Variants in GLDC observed in about 807,000 individuals in gnomAD.
GLDC encodes glycine dehydrogenase (decarboxylating), mitochondrial.
In GLDC, 104 loss-of-function variants were observed where a neutral mutation model predicts 121.3. That is an observed-to-expected ratio of 0.86 (90% CI 0.73 to 1.01). GLDC has a LOEUF of 1.01. Ranked by LOEUF, GLDC falls within the 50% of genes least tolerant of loss-of-function variation. The pLI, the probability that GLDC is intolerant of heterozygous loss-of-function variation, is 0.00. For missense variants in GLDC, 1,429 were observed against 1,306.6 expected (o/e 1.09, Z -1.44); for synonymous variants, 546 against 480.6 (o/e 1.14, Z -1.78).
At chr9:6,628,444 G>T (rs991675103) in intron 2 of GLDC, among the ~76,000 whole-genome samples, 4 of 152,180 alleles carry the variant, frequency 2.6e-5, no homozygotes, top group Non-Finnish European at 5.9e-5. Context: ...GAACTACAAT[G>T]AAACTAACCA....
At chr9:6,535,711 A>G (rs371341159) in intron 23 of GLDC, among the ~76,000 whole-genome samples, 167 of 152,350 alleles carry the variant, frequency 1.1e-3, no homozygotes, top group African/African-American at 4.0e-3. Flanking sequence ...TTTCTCAGAG[A>G]TAACTGCTCT....
At position 6,604,761 on chromosome 9, in the gene GLDC, G is replaced by C. The variant is rs1424489267; in HGVS notation, c.885C>G (p.Asp295Glu). 4.3e-6 allele frequency: 7 copies of C among 1,613,932 alleles called. No individual in the cohort carries two copies. Among genetic ancestry groups the C allele is most frequent in the African/African-American group, 1.3e-5 (1 of 74,924 alleles). The change falls in exon 7 of 25, where the codon GAC becomes GAG. Residue 295 changes from aspartate (D) to glutamate (E), a missense_variant. Transcript: ENST00000321612. ...GCCTCAAGATGCACAAAGCTAAAAG[G>C]TCAGTAGCACAGCAGGCCAGGCTCT... ...QSGSLACCATDLLALCILRPP... is the reference protein window; with the variant it reads ...QSGSLACCATELLALCILRPP...
intron 2 of GLDC, chr9:6,639,579 T>G: frequency 1.3e-6 from 1 of 751,656 alleles, no homozygotes; most frequent in Non-Finnish European, 2.4e-6. Context: ...TTATGATGCT[T>G]TGGATGTTGC....
rs185457094 is a variant in GLDC at position 6,614,772 on chromosome 9, G to C, written c.471-4416C>G. On this transcript the variant is annotated intron_variant, in intron 3 of 24. Transcript: ENST00000321612. ...TACATCGTTAGGTGATTTAGTCATT[G>C]TTGTGTGAACCTCATAGAGTGTACT... 3.0e-3 allele frequency among the ~76,000 whole-genome samples: 450 copies of C among 152,236 alleles called. 2 individuals carry two copies. The highest frequency in any genetic ancestry group is 0.01 in the African/African-American group (431 of 41,538).
In GLDC at chr9:6,532,781, C is replaced by T. The variant is rs537707294; in HGVS notation, c.*236G>A. The T allele has an allele frequency of 1.9e-6, 1 of 523,942 alleles. No homozygotes were observed. Among genetic ancestry groups the T allele is most frequent in the Admixed American group, 3.2e-5 (1 of 31,610 alleles). The allele number at this position is 523,942 out of a possible 1,614,324, so 32.5% of individuals were successfully genotyped here. On this transcript the variant is annotated 3_prime_UTR_variant, in exon 25 of 25. Coordinates refer to ENST00000321612, the MANE Select transcript of GLDC (RefSeq NM_000170.3). ...TCTACGCAAAACACAAAATGGCTCC[C>T]AATCCAGGCAACTGGCACATGTGGA...
rs1563827460 is a variant in GLDC at position 6,536,072 on chromosome 9, G to T, written c.2830C>A (p.Pro944Thr). The change falls in exon 23 of 25, where the codon CCG becomes ACG. Residue 944 changes from proline to threonine, a missense_variant. Pro to Thr is a conservative substitution (Grantham distance 38, BLOSUM62 -1). Coordinates refer to ENST00000321612, the MANE Select transcript of GLDC (RefSeq NM_000170.3). ...EEGRIDPRVN[P>T]LKMSPHSLTC... Reference sequence around the variant, plus strand: ...TTCCAGGGCCTACGCACCTTCAGCGGATTGACCCTGGGGTCGATGCGGCCC... The same window carrying T: ...TTCCAGGGCCTACGCACCTTCAGCGTATTGACCCTGGGGTCGATGCGGCCC... 3.7e-6 allele frequency: 6 copies of T among 1,613,068 alleles called. No homozygotes were observed. The highest frequency in any genetic ancestry group is 2.2e-5 in the East Asian group (1 of 44,886).
Position 6,587,235 on chromosome 9 carries a change from C to T in GLDC, c.1756G>A (p.Asp586Asn). 6.2e-7 allele frequency: 1 copy of T among 1,613,972 alleles called. No individual in the cohort carries two copies. The highest frequency in any genetic ancestry group is 8.5e-7 in the Non-Finnish European group (1 of 1,179,918). ...AGCTGCTGATATCCTTGAGCTTGAT[C>T]CAGAGGCACAAAGGGGTGGATGTTT... ...FANIHPFVPL[D>N]QAQGYQQLFR... The change falls in exon 15 of 25, where the codon GAT becomes AAT. Residue 586 changes from aspartate to asparagine, a missense_variant. Coordinates refer to ENST00000321612, the MANE Select transcript of GLDC (RefSeq NM_000170.3).
intron 21 of GLDC, among the ~76,000 whole-genome samples, chr9:6,542,885 CAAA>C (rs5896153): frequency 1.3e-4 from 8 of 61,392 alleles, no homozygotes; most frequent in Admixed American, 6.6e-4. Context: ...GACCTTTTCT[CAAA>C]AAAAAAAAAA....
chr9:6,549,221 T>C (rs1481598553), intron 21 of GLDC, among the ~76,000 whole-genome samples: 1 of 152,238 alleles, frequency 6.6e-6, no homozygotes, highest in African/African-American at 2.4e-5. Flanking sequence ...CTCCTTATTA[T>C]GCGTCATCAC....
chr9:6,645,408 G>A lies in GLDC; in HGVS notation c.92C>T (p.Ala31Val). Residue 31 changes from alanine to valine, a missense_variant, in exon 1 of 25, where the codon GCG (alanine) becomes GTG (valine). Transcript: ENST00000321612. ...ACTGCTGCTGTCCCGGCTCCGCGGCGCCCAGCACGGCCCCGATCCCCCAGC... is the reference window on the plus strand; with the variant it reads ...ACTGCTGCTGTCCCGGCTCCGCGGCACCCAGCACGGCCCCGATCCCCCAGC... ...RLAGGSGPCW[A>V]PRSRDSSSGG... The A allele has an allele frequency of 2.8e-6, 4 of 1,411,944 alleles. No individual in the cohort carries two copies. The highest frequency in any genetic ancestry group is 1.6e-5 in the South Asian group (1 of 62,924). The allele number at this position is 1,411,944 out of a possible 1,614,324, so 87.5% of individuals were successfully genotyped here. A position where few individuals can be genotyped will look rare whatever the true frequency, so the allele number is the denominator to read the frequency against.
rs113523393 is a variant in GLDC, at chr9:6,552,929, G to GC, written c.2457+438dup. 4.0e-3 allele frequency among the ~76,000 whole-genome samples: 607 copies of GC among 151,052 alleles called. 3 individuals carry two copies. The highest frequency in any genetic ancestry group is 0.028 in the South Asian group (132 of 4,720). On this transcript the variant is annotated intron_variant, in intron 20 of 24. Coordinates refer to ENST00000321612, the MANE Select transcript of GLDC (RefSeq NM_000170.3). Reference sequence around the variant, plus strand: ...CTGCTATTTTTCATCTTCTCCTCTGGCCCCCCCCAAGAAATATATAGCAAA... The same window carrying GC: ...CTGCTATTTTTCATCTTCTCCTCTGGCCCCCCCCCAAGAAATATATAGCAAA...
intron 2 of GLDC, among the ~76,000 whole-genome samples, chr9:6,625,791 G>A (rs766915242): frequency 6.6e-6 from 1 of 151,932 alleles, no homozygotes; most frequent in Admixed American, 6.6e-5. Context: ...GGAAAGGTGG[G>A]GTTAACGTTT....
rs1158717915 is a variant in GLDC, at chr9:6,592,968, T to C, written c.1284A>G (p.Gln428=). The C allele has an allele frequency of 6.2e-7, 1 of 1,609,992 alleles. No homozygotes were observed. Among genetic ancestry groups the C allele is most frequent in the African/African-American group, 1.4e-5 (1 of 73,680 alleles). Residue 428 remains glutamine (Q), a synonymous_variant, in exon 10 of 25, where the codon CAA becomes CAG. Coordinates refer to ENST00000321612, the MANE Select transcript of GLDC (RefSeq NM_000170.3). ...LSEGLKRAGH[Q]LQHDLFFDTL... Reference sequence around the variant, plus strand: ...TATCAAAGAACAGGTCATGCTGGAGTTGATGCCCTGCTCGCTTGAGACCTA... The same window carrying C: ...TATCAAAGAACAGGTCATGCTGGAGCTGATGCCCTGCTCGCTTGAGACCTA...
chr9:6,569,583 C>T (rs909903604), intron 15 of GLDC, among the ~76,000 whole-genome samples: 3 of 151,832 alleles, frequency 2.0e-5, no homozygotes, highest in Non-Finnish European at 2.9e-5. Flanking sequence ...ACCCGGGAGG[C>T]GGAGGTTGCA....
At chr9:6,618,363 A>C (rs1354491942) in intron 3 of GLDC, among the ~76,000 whole-genome samples, 2 of 152,160 alleles carry the variant, frequency 1.3e-5, no homozygotes, top group Non-Finnish European at 2.9e-5. Flanking sequence ...GCTGGAGTGC[A>C]ATGCTGCGAT....
intron 7 of GLDC, among the ~76,000 whole-genome samples, chr9:6,603,796 C>G (rs1818672416): frequency 6.7e-6 from 1 of 148,660 alleles, no homozygotes. Context: ...GCAGCGCGAT[C>G]TCGGCTCACT....
intron 15 of GLDC, 54 bp from the exon 16 acceptor site, chr9:6,565,483 C>T (rs1221466236): frequency 7.3e-7 from 1 of 1,362,368 alleles, no homozygotes; most frequent in East Asian, 2.3e-5. Flanking sequence ...CTTTCATTTA[C>T]TCATTCAATA....
chr9:6,532,889 G>A lies in GLDC; in HGVS notation c.*128C>T, dbSNP rs1216854644. 1.3e-6 allele frequency: 1 copy of A among 770,556 alleles called. No individual in the cohort carries two copies. Among genetic ancestry groups the A allele is most frequent in the African/African-American group, 1.7e-5 (1 of 58,704 alleles). 47.7% of individuals were successfully genotyped at this position (770,556 alleles called of 1,614,324 possible). A position where few individuals can be genotyped will look rare whatever the true frequency, so the allele number is the denominator to read the frequency against. On this transcript the variant is annotated 3_prime_UTR_variant, in exon 25 of 25. Coordinates refer to ENST00000321612, the MANE Select transcript of GLDC (RefSeq NM_000170.3). ...CTGTATTTACATTTACCTTGACAGA[G>A]ATTACAGAGATATACACAGTATATA...
intron 22 of GLDC, among the ~76,000 whole-genome samples, chr9:6,538,248 A>T (rs919117003): frequency 6.6e-6 from 1 of 152,188 alleles, no homozygotes. Context: ...CTTGCAAAAG[A>T]AATTCCTGCA....
Sources: allele counts gnomAD v4.1 joint callset (sites outside exome capture counted in the v4.1 genomes callset), GRCh38; gene constraint gnomAD v4.1.1; transcripts MANE v1.5; gene names NCBI Gene and HGNC (gene_info 2026-07-23, HGNC 2026-07-21).